The following TRAF3IP1 variants were observed in gnomAD, a reference collection of about 807,000 sequenced individuals.
The protein encoded by TRAF3IP1 is TRAF3-interacting protein 1.
TRAF3IP1 carries 53 observed loss-of-function variants against 89.9 expected under a neutral mutation model. The ratio of observed to expected loss-of-function variants is 0.59; its 90% CI spans 0.47 to 0.74. The LOEUF is 0.74. Among genes scored for constraint, TRAF3IP1 ranks in the 30% least tolerant of loss-of-function variants. The pLI is 0.00. For synonymous variants in TRAF3IP1, 311 were observed against 322.1 expected (o/e 0.97, Z 0.37); for missense variants, 806 against 866.1 (o/e 0.93, Z 0.87).
chr2:238,338,567 C>T, intron 8 of TRAF3IP1, 110 bp downstream of exon 8: 1 of 610,024 alleles, frequency 1.6e-6, no homozygotes, highest in Non-Finnish European at 2.7e-6. Flanking sequence ...CTTTAATGTT[C>T]ATGAGACTTT....
At chr2:238,361,914 T>C (rs570936443) in intron 15 of TRAF3IP1, among the ~76,000 whole-genome samples, 17 of 152,236 alleles carry the variant, frequency 1.1e-4, no homozygotes, top group Non-Finnish European at 2.1e-4. Context: ...CGCTTATCTT[T>C]TGCTGTCTAC....
intron 8 of TRAF3IP1, among the ~76,000 whole-genome samples, chr2:238,339,390 A>G (rs1228915420): frequency 6.6e-6 from 1 of 152,216 alleles, no homozygotes; most frequent in Non-Finnish European, 1.5e-5. Context: ...GCATGTTACC[A>G]TTCAACCACA....
chr2:238,389,358 T>A (rs1376572253), intron 15 of TRAF3IP1, among the ~76,000 whole-genome samples: 1 of 152,184 alleles, frequency 6.6e-6, no homozygotes, highest in Non-Finnish European at 1.5e-5. Context: ...GGGTAATTTT[T>A]CAACCCTCCC....
chr2:238,349,403 G>T lies in TRAF3IP1; in HGVS notation c.1446G>T (p.Met482Ile). ...AAGACAGCATGGAGGCGCTACAAAT[G>T]GATAGGTAAGGCTGGCTCAGCAGGG... is the stretch of plus-strand genomic sequence containing the variant. ...KRQDSMEALQ[M>I]DRSGSGKTVS... Residue 482 changes from methionine (M) to isoleucine (I), a missense_variant, in exon 12 of 17, where the codon ATG (methionine) becomes ATT (isoleucine). Physicochemically the swap from Met to Ile is conservative, Grantham distance 10. Around this residue, in one of 3 missense-constraint regions of TRAF3IP1, gnomAD observed 732 missense variants for 780.5 expected, o/e 0.94. Transcript: ENST00000373327. The T allele has an allele frequency of 6.2e-7, 1 of 1,613,962 alleles. No individual in the cohort carries two copies. The highest frequency in any genetic ancestry group is 8.5e-7 in the Non-Finnish European group (1 of 1,179,964).
intron 15 of TRAF3IP1, among the ~76,000 whole-genome samples, chr2:238,386,363 C>T (rs913104947): frequency 4.6e-5 from 7 of 152,012 alleles, no homozygotes; most frequent in African/African-American, 1.4e-4. Flanking sequence ...CCCAGGCTAG[C>T]GTGCAGTGGT....
chr2:238,327,815 C>G (rs1346060107), intron 3 of TRAF3IP1, among the ~76,000 whole-genome samples: 1 of 152,044 alleles, frequency 6.6e-6, no homozygotes, highest in African/African-American at 2.4e-5. Flanking sequence ...CTAGGGACCT[C>G]GGATAAGTGG....
At position 238,325,930 on chromosome 2, in the gene TRAF3IP1, A is replaced by C. The variant is rs1296503794; in HGVS notation, c.314A>C (p.Asn105Thr). 1 of 1,613,882 alleles carries C rather than the reference A, an allele frequency of 6.2e-7. No homozygotes were observed. The highest frequency in any genetic ancestry group is 8.5e-7 in the Non-Finnish European group (1 of 1,179,976). ...IVAGHEPERT[N>T]ELLQIIGKCC... Reference sequence around the variant, plus strand: ...GCGGGGCATGAGCCTGAAAGAACAAACGAGCTGCTCCAGATAATTGGAAAA... The same window carrying C: ...GCGGGGCATGAGCCTGAAAGAACAACCGAGCTGCTCCAGATAATTGGAAAA... The change falls in exon 3 of 17, where the codon AAC becomes ACC. Residue 105 changes from asparagine (N) to threonine (T), a missense_variant. This residue lies in a region of TRAF3IP1 where 732 missense variants were observed against 780.5 expected (regional missense o/e 0.94). Transcript: ENST00000373327.
At chr2:238,338,049 T>C (rs1400894932) in intron 7 of TRAF3IP1, among the ~76,000 whole-genome samples, 8 of 152,096 alleles carry the variant, frequency 5.3e-5, no homozygotes, top group African/African-American at 1.7e-4. Context: ...CAGAGCTTGC[T>C]GTGGTCCCCC....
intron 15 of TRAF3IP1, among the ~76,000 whole-genome samples, chr2:238,383,528 G>C (rs1700635307): frequency 6.6e-6 from 1 of 152,160 alleles, no homozygotes; most frequent in Non-Finnish European, 1.5e-5. Context: ...CTTTGGTGCT[G>C]GTGTGCTTAC....
At position 238,349,360 on chromosome 2, in the gene TRAF3IP1, C is replaced by T. The variant is rs1699042319; in HGVS notation, c.1403C>T (p.Pro468Leu). 6.2e-7 allele frequency: 1 copy of T among 1,614,038 alleles called. No homozygotes were observed. The highest frequency in any genetic ancestry group is 1.3e-5 in the African/African-American group (1 of 74,932). Residue 468 changes from proline to leucine, a missense_variant, in exon 12 of 17, where the codon CCT (proline) becomes CTT (leucine). This residue lies in a region of TRAF3IP1 where 732 missense variants were observed against 780.5 expected (regional missense o/e 0.94). Transcript: ENST00000373327. ...IPRPGSARPA[P>L]PRVKRQDSME... ...CGGCCTGGGAGTGCAAGACCAGCCC[C>T]TCCCCGGGTCAAACGGCAAGACAGC...
At chr2:238,331,597 A>C (rs13413196) in intron 5 of TRAF3IP1, among the ~76,000 whole-genome samples, 17,814 of 151,974 alleles carry the variant, frequency 0.12, 1,778 homozygotes, top group African/African-American at 0.27. Context: ...ATTTTTTCCT[A>C]CTCGAGGCTG....
At chr2:238,322,129 T>G (rs911356180) in intron 1 of TRAF3IP1, among the ~76,000 whole-genome samples, 1 of 152,122 alleles carries the variant, frequency 6.6e-6, no homozygotes, top group Non-Finnish European at 1.5e-5. Context: ...GGGGACAATG[T>G]GCCGCATCAC....
At chr2:238,374,239 C>T (rs1398538899) in intron 15 of TRAF3IP1, among the ~76,000 whole-genome samples, 1 of 152,148 alleles carries the variant, frequency 6.6e-6, no homozygotes, top group African/African-American at 2.4e-5. Context: ...CCAGTTTTTG[C>T]CCATTCAGTA....
rs1699187949 is a variant in TRAF3IP1, at chr2:238,351,892, T to G, written c.1452-935T>G. ...GCGCGCGCGCGCGTGTGCGTGCATG[T>G]GCTTGTGTGTATGCGTGTGTGTGTG... On this transcript the variant is annotated intron_variant, in intron 12 of 16. Coordinates refer to ENST00000373327, the MANE Select transcript of TRAF3IP1 (RefSeq NM_015650.4). The surrounding 1 kb of genome is among the most constrained non-coding windows in gnomAD (Gnocchi z 5.2). Among the ~76,000 whole-genome samples, 2 of 150,456 alleles carry G rather than the reference T, an allele frequency of 1.3e-5. No homozygotes were observed. Among genetic ancestry groups the G allele is most frequent in the African/African-American group, 4.9e-5 (2 of 40,782 alleles).
intron 10 of TRAF3IP1, 76 bp from the exon 11 acceptor site, chr2:238,348,688 A>G: frequency 1.6e-6 from 2 of 1,261,934 alleles, no homozygotes; most frequent in Non-Finnish European, 2.3e-6. Context: ...GCAAATACAG[A>G]TGCAAATAGT....
chr2:238,397,633 C>T lies in TRAF3IP1; in HGVS notation c.1864C>T (p.His622Tyr). The T allele has an allele frequency of 6.2e-7, 1 of 1,611,860 alleles. No homozygotes were observed. Among genetic ancestry groups the T allele is most frequent in the Non-Finnish European group, 8.5e-7 (1 of 1,179,654 alleles). The change falls in exon 16 of 17, where the codon CAC (histidine) becomes TAC (tyrosine). Residue 622 changes from histidine (H) to tyrosine (Y), a missense_variant. Coordinates refer to ENST00000373327, the MANE Select transcript of TRAF3IP1 (RefSeq NM_015650.4). ...DAMQNELQMW[H>Y]SENRQHAEAL... ...CATGCAGAATGAGCTGCAGATGTGG[C>T]ACAGCGAGAACAGGCAGCACGCCGA...
At chr2:238,337,470 CA>C (rs1388949611) in intron 7 of TRAF3IP1, among the ~76,000 whole-genome samples, 1 of 152,252 alleles carries the variant, frequency 6.6e-6, no homozygotes, top group Admixed American at 6.5e-5. Context: ...AGTGAGTGCA[CA>C]CAGAAGTCCT....
intron 5 of TRAF3IP1, among the ~76,000 whole-genome samples, chr2:238,330,224 G>T (rs910521432): frequency 6.6e-6 from 1 of 152,112 alleles, no homozygotes. Context: ...TGCTTTCAAG[G>T]GCTTTTAGGC....
At chr2:238,393,118 TG>T (rs1701065734) in intron 15 of TRAF3IP1, among the ~76,000 whole-genome samples, 1 of 152,234 alleles carries the variant, frequency 6.6e-6, no homozygotes, top group Non-Finnish European at 1.5e-5. Context: ...TATAGGAAAC[TG>T]CCAAACTGTG....
Sources: allele counts gnomAD v4.1 joint callset (sites outside exome capture counted in the v4.1 genomes callset), GRCh38; gene constraint gnomAD v4.1.1; regional missense constraint gnomAD v4.1.1; non-coding constraint Gnocchi (gnomAD v3.1); transcripts MANE v1.5; gene names NCBI Gene and HGNC (gene_info 2026-07-23, HGNC 2026-07-21).